The following EPHA6 variants were observed in gnomAD, a reference collection of about 807,000 sequenced individuals.
The protein encoded by EPHA6 is EPH receptor A6.
In EPHA6, 50 loss-of-function variants were observed where a neutral mutation model predicts 112.0. The observed-to-expected ratio is 0.45, with a 90% CI of 0.36 to 0.56. The LOEUF (loss-of-function observed/expected upper bound fraction) is 0.56, where lower values mean the gene tolerates loss of function less well. Ranked by LOEUF, EPHA6 falls within the 20% of genes least tolerant of loss-of-function variation. The pLI, the probability that EPHA6 is intolerant of heterozygous loss-of-function variation, is 0.00. For missense variants in EPHA6, 1,280 were observed against 1,417.4 expected (o/e 0.90, Z 1.56); for synonymous variants, 529 against 490.7 (o/e 1.08, Z -1.03).
intron 2 of EPHA6, among the ~76,000 whole-genome samples, chr3:96,921,859 C>G (rs979985629): frequency 6.6e-6 from 1 of 152,050 alleles, no homozygotes; most frequent in African/African-American, 2.4e-5. Flanking sequence ...TGAGCCACTG[C>G]GCCCAGCCTA....
At chr3:96,858,005 C>T (rs1029407945) in intron 1 of EPHA6, among the ~76,000 whole-genome samples, 1 of 151,378 alleles carries the variant, frequency 6.6e-6, no homozygotes, top group East Asian at 2.0e-4. Flanking sequence ...TTTTTAGCGT[C>T]TAAAGGAACT....
intron 3 of EPHA6, among the ~76,000 whole-genome samples, chr3:97,117,807 A>T (rs1057344132): frequency 1.3e-5 from 2 of 151,884 alleles, no homozygotes; most frequent in South Asian, 2.1e-4. Flanking sequence ...CTAGAAATGA[A>T]TTTGGTCATA....
At chr3:96,950,377 T>C (rs2107717228) in intron 2 of EPHA6, among the ~76,000 whole-genome samples, 1 of 152,298 alleles carries the variant, frequency 6.6e-6, no homozygotes, top group African/African-American at 2.4e-5. Context: ...TAACACCCTT[T>C]GCACAATACT....
At chr3:97,344,149 AGAT>A (rs2083435636) in intron 5 of EPHA6, among the ~76,000 whole-genome samples, 1 of 152,090 alleles carries the variant, frequency 6.6e-6, no homozygotes, top group Non-Finnish European at 1.5e-5. Context: ...TATCTGATTT[AGAT>A]GATATTTAAA....
intron 3 of EPHA6, among the ~76,000 whole-genome samples, chr3:97,223,509 C>T (rs571211150): frequency 1.3e-5 from 2 of 152,114 alleles, no homozygotes; most frequent in East Asian, 1.9e-4. Flanking sequence ...GTGGCTAGAG[C>T]GAAGTATCTG....
intron 3 of EPHA6, among the ~76,000 whole-genome samples, chr3:97,022,822 C>T (rs1005942154): frequency 2.6e-5 from 4 of 152,148 alleles, no homozygotes; most frequent in South Asian, 2.1e-4. Context: ...TCACTTTATT[C>T]TTGGTTAAAA....
chr3:97,565,494 ATAT>A (rs1401938690), intron 11 of EPHA6, among the ~76,000 whole-genome samples: 1 of 152,206 alleles, frequency 6.6e-6, no homozygotes, highest in African/African-American at 2.4e-5. Context: ...AGTGGATTAA[ATAT>A]TAGTATAATA....
At chr3:97,510,461 C>T (rs140936920) in intron 10 of EPHA6, among the ~76,000 whole-genome samples, 11 of 152,280 alleles carry the variant, frequency 7.2e-5, no homozygotes, top group Non-Finnish European at 1.2e-4. Context: ...TGCAGGTCTG[C>T]TGGGGTTTGC....
chr3:97,333,163 C>T (rs2082882551), intron 5 of EPHA6, among the ~76,000 whole-genome samples: 1 of 151,952 alleles, frequency 6.6e-6, no homozygotes, highest in Non-Finnish European at 1.5e-5. Flanking sequence ...TAATTTGCAG[C>T]ACCTAGATCC....
rs1337294514 is a variant in EPHA6, at chr3:97,308,709, A to G, written c.1606+64422A>G. ...CCTCTGCTACAGAATTTATTTCGCT[A>G]TTTTATCACTGGTAGTTTGAATGTC... On this transcript the variant is annotated intron_variant, in intron 5 of 17. Transcript: ENST00000389672. Among the ~76,000 whole-genome samples, 6 of 151,786 alleles carry G rather than the reference A, an allele frequency of 4.0e-5. No homozygotes were observed. In the South Asian group the frequency reaches 1.0e-3, roughly 26 times the overall value.
chr3:97,345,405 C>G (rs922209153), intron 5 of EPHA6, among the ~76,000 whole-genome samples: 5 of 152,236 alleles, frequency 3.3e-5, no homozygotes, highest in African/African-American at 1.2e-4. Context: ...ATCTTTTATT[C>G]CTGCCTTATA....
At chr3:97,075,080 G>A (rs1177839031) in intron 3 of EPHA6, among the ~76,000 whole-genome samples, 3 of 151,888 alleles carry the variant, frequency 2.0e-5, no homozygotes, top group African/African-American at 7.3e-5. Flanking sequence ...AGGACTACTT[G>A]CAGCTTCTTG....
intron 13 of EPHA6, among the ~76,000 whole-genome samples, chr3:97,628,112 C>T (rs543928909): frequency 6.6e-6 from 1 of 152,080 alleles, no homozygotes; most frequent in African/African-American, 2.4e-5. Context: ...GAAGAGACTA[C>T]AGTGAGGCAC....
chr3:97,204,157 T>C (rs2077653555), intron 3 of EPHA6, among the ~76,000 whole-genome samples: 1 of 152,170 alleles, frequency 6.6e-6, no homozygotes, highest in African/African-American at 2.4e-5. Context: ...AACAGTGTTT[T>C]ACTTAAGGAA....
intron 9 of EPHA6, 99 bp downstream of exon 9, chr3:97,479,463 A>C: frequency 1.3e-6 from 1 of 750,752 alleles, no homozygotes; most frequent in Non-Finnish European, 2.0e-6. Flanking sequence ...AAAAGAAAAA[A>C]AAAATCACTT....
intron 5 of EPHA6, among the ~76,000 whole-genome samples, chr3:97,383,238 A>G (rs1165355440): frequency 2.0e-5 from 3 of 152,080 alleles, no homozygotes; most frequent in Non-Finnish European, 4.4e-5. Context: ...GGACATTGAC[A>G]TAGCCTATCC....
chr3:96,980,568 GT>G, intron 2 of EPHA6, among the ~76,000 whole-genome samples: 1 of 152,216 alleles, frequency 6.6e-6, no homozygotes. Context: ...CTTTAAAGTA[GT>G]TTTTTCCAAT....
intron 5 of EPHA6, among the ~76,000 whole-genome samples, chr3:97,313,904 T>A (rs537538764): frequency 6.6e-6 from 1 of 151,668 alleles, no homozygotes; most frequent in Non-Finnish European, 1.5e-5. Context: ...ACTTGCCTAT[T>A]TCTTGCTTTT....
chr3:96,930,493 A>G (rs1175722147), intron 2 of EPHA6, among the ~76,000 whole-genome samples: 1 of 152,170 alleles, frequency 6.6e-6, no homozygotes, highest in Admixed American at 6.5e-5. Context: ...CTCTATACCA[A>G]GGTTGCCTTA....
Sources: gnomAD v4.1 joint callset for allele counts (sites outside exome capture counted in the v4.1 genomes callset) on GRCh38, gnomAD v4.1.1 for gene constraint, MANE v1.5 for transcripts, NCBI Gene and HGNC (gene_info 2026-07-23, HGNC 2026-07-21) for gene names.